Variants in AMN1 observed in about 807,000 individuals in gnomAD.
The protein encoded by AMN1 is protein AMN1 homolog.
AMN1 carries 20 observed loss-of-function variants against 33.0 expected under a neutral mutation model. That is an observed-to-expected ratio of 0.61 (90% confidence interval 0.43 to 0.88). AMN1 has a LOEUF of 0.88. AMN1 is among the 40% of genes least tolerant of loss of function. AMN1 has a pLI of 0.00. For synonymous variants in AMN1, 114 were observed against 111.9 expected, an observed-to-expected ratio of 1.02 and a Z score of -0.12; for missense variants, 246 against 307.4, an observed-to-expected ratio of 0.80 and a Z score of 1.49.
In AMN1 at chr12:31,683,044, C is replaced by T. The variant is rs1413142638; in HGVS notation, c.703+5963G>A. ...GTGGCACAATCTTGGCTAATTGCAACCTCTGCCCCCCAGGCTCAAGTGATC... is the reference window on the plus strand; with the variant it reads ...GTGGCACAATCTTGGCTAATTGCAATCTCTGCCCCCCAGGCTCAAGTGATC... On this transcript the variant is annotated intron_variant, in intron 6 of 6. Coordinates refer to ENST00000281471, the MANE Select transcript of AMN1 (RefSeq NM_001113402.2). This position sits in a 1 kb window ranked among gnomAD's most constrained non-coding sequence, Gnocchi z 4.1. 6.7e-6 allele frequency among the ~76,000 whole-genome samples: 1 copy of T among 149,982 alleles called. No individual in the cohort carries two copies. Among genetic ancestry groups the T allele is most frequent in the Non-Finnish European group, 1.5e-5 (1 of 67,808 alleles).
chr12:31,678,863 T>A (rs1233350030), intron 6 of AMN1, among the ~76,000 whole-genome samples: 1 of 152,104 alleles, frequency 6.6e-6, no homozygotes, highest in Non-Finnish European at 1.5e-5. Context: ...AAAATAAACA[T>A]GTCATGTAGG....
intron 1 of AMN1, among the ~76,000 whole-genome samples, chr12:31,715,958 G>C (rs144193383): frequency 1.6e-4 from 24 of 152,290 alleles, no homozygotes; most frequent in African/African-American, 2.2e-4. Flanking sequence ...TACATGACAG[G>C]TTTCCTTTTT....
intron 2 of AMN1, among the ~76,000 whole-genome samples, chr12:31,702,563 CTTTAT>C: frequency 6.6e-6 from 1 of 150,712 alleles, no homozygotes; most frequent in Non-Finnish European, 1.5e-5. Flanking sequence ...TTTTTCTGTT[CTTTAT>C]TTTTTTTCCA....
In AMN1 at chr12:31,689,047, T is replaced by C. The variant is rs904507811; in HGVS notation, c.663A>G (p.Gln221=). Residue 221 remains glutamine, a synonymous_variant, in exon 6 of 7, where the codon CAA becomes CAG. Transcript: ENST00000281471. The part of the protein sequence containing the change: ...AVEAVLTYCP[Q]IRILLFHGCP... ...ATCCATGGAAGAGTAATATACGTATTTGAGGACAGTAAGTAAGGACAGCTT... is the reference window on the plus strand; with the variant it reads ...ATCCATGGAAGAGTAATATACGTATCTGAGGACAGTAAGTAAGGACAGCTT... 1.2e-6 allele frequency: 2 copies of C among 1,613,626 alleles called. No individual in the cohort carries two copies. Among genetic ancestry groups the C allele is most frequent in the African/African-American group, 1.3e-5 (1 of 75,026 alleles).
intron 2 of AMN1, 85 bp from the exon 3 acceptor site, chr12:31,702,092 A>T (rs2139695793): frequency 5.8e-6 from 7 of 1,217,300 alleles, no homozygotes; most frequent in Non-Finnish European, 7.9e-6. Flanking sequence ...TGGTGGTCAT[A>T]ACAGACAAGT....
At chr12:31,695,965 G>A (rs550971692) in intron 5 of AMN1, among the ~76,000 whole-genome samples, 4 of 152,102 alleles carry the variant, frequency 2.6e-5, no homozygotes, top group African/African-American at 9.6e-5. Flanking sequence ...ATTTATGGCA[G>A]GGCACGGTGG....
chr12:31,716,116 T>C (rs1364518947), intron 1 of AMN1, among the ~76,000 whole-genome samples: 2 of 152,214 alleles, frequency 1.3e-5, no homozygotes, highest in Non-Finnish European at 2.9e-5. Flanking sequence ...CATTTTTCCA[T>C]GGTTTCTTTT....
chr12:31,721,204 A>G (rs73090378), intron 1 of AMN1, among the ~76,000 whole-genome samples: 192 of 152,334 alleles, frequency 1.3e-3, no homozygotes, highest in Middle Eastern at 0.01. Flanking sequence ...GGTGGCCGAA[A>G]TTATCAAGGA....
At chr12:31,676,597 C>T (rs978945902) in intron 6 of AMN1, among the ~76,000 whole-genome samples, 7 of 150,206 alleles carry the variant, frequency 4.7e-5, no homozygotes, top group African/African-American at 1.7e-4. Context: ...GCTGCAATTA[C>T]AGGTGTGAGC....
At chr12:31,712,503 C>T (rs1411506798) in intron 1 of AMN1, among the ~76,000 whole-genome samples, 1 of 152,160 alleles carries the variant, frequency 6.6e-6, no homozygotes, top group Non-Finnish European at 1.5e-5. Context: ...GCCTTGGCCT[C>T]CCAAAGTGTT....
intron 5 of AMN1, among the ~76,000 whole-genome samples, chr12:31,695,427 A>T (rs1938678822): frequency 6.6e-6 from 1 of 151,900 alleles, no homozygotes; most frequent in South Asian, 2.1e-4. Context: ...TGCATTTAGG[A>T]TGCAATTTGG....
At chr12:31,689,168 T>G (rs778029127) in intron 5 of AMN1, 50 bp from the exon 6 acceptor site, 1 of 1,249,400 alleles carries the variant, frequency 8.0e-7, no homozygotes. Flanking sequence ...AGATCTATAA[T>G]AACAGTATGA....
chr12:31,682,992 T>C (rs1309953722), intron 6 of AMN1, among the ~76,000 whole-genome samples: 1 of 150,078 alleles, frequency 6.7e-6, no homozygotes, highest in Non-Finnish European at 1.5e-5. Context: ...AGACAGTGTC[T>C]CACCTTGTCA....
At chr12:31,689,949 C>T (rs553870257) in intron 5 of AMN1, among the ~76,000 whole-genome samples, 2 of 152,148 alleles carry the variant, frequency 1.3e-5, no homozygotes, top group Non-Finnish European at 2.9e-5. Context: ...TCCATTATGT[C>T]ATTCTTATGC....
chr12:31,680,779 A>G (rs1196463685), intron 6 of AMN1, among the ~76,000 whole-genome samples: 1 of 152,220 alleles, frequency 6.6e-6, no homozygotes, highest in African/African-American at 2.4e-5. Context: ...ATATGCAAGT[A>G]TAGTAAATAC....
Position 31,688,604 on chromosome 12 carries a change from T to TAA in AMN1, c.703+402_703+403insTT, listed in dbSNP as rs76077733. On this transcript the variant is annotated intron_variant, in intron 6 of 6. Transcript: ENST00000281471. ...AGGCGGATTGCCTGAGCTCAGGAGT[T>TAA]AGAGACCAGCCTGGGCAACACGGGG... Among the ~76,000 whole-genome samples, 20 of 152,104 alleles carry TAA rather than the reference T, an allele frequency of 1.3e-4. 1 individual carries two copies. The East Asian group carries it at 3.9e-3, about 30-fold the overall frequency.
At chr12:31,676,786 C>T (rs1438270853) in intron 6 of AMN1, among the ~76,000 whole-genome samples, 1 of 151,770 alleles carries the variant, frequency 6.6e-6, no homozygotes, top group Non-Finnish European at 1.5e-5. Flanking sequence ...GCTTTTCCCT[C>T]CAATAGTAAG....
rs201986632 is a variant in AMN1, at chr12:31,698,741, CT to C, written c.317-785del. Among the ~76,000 whole-genome samples the C allele has an allele frequency of 1.2e-3, 182 of 148,666 alleles. 2 individuals carry two copies. Among genetic ancestry groups the C allele is most frequent in the East Asian group, 2.2e-3 (11 of 5,110 alleles). ...CTGTTTTCCATATCTTAAGAAAGAA[CT>C]TTTTTTTTTTCTTAAGACCAGTTAT... On this transcript the variant is annotated intron_variant, in intron 3 of 6. Transcript: ENST00000281471.
At chr12:31,691,386 T>C (rs566035200) in intron 5 of AMN1, among the ~76,000 whole-genome samples, 66 of 152,034 alleles carry the variant, frequency 4.3e-4, no homozygotes, top group African/African-American at 1.4e-3. Flanking sequence ...GGGGATCAAC[T>C]ACAAAGGACC....
Sources: gnomAD v4.1 joint callset for allele counts (sites outside exome capture counted in the v4.1 genomes callset) on GRCh38, gnomAD v4.1.1 for gene constraint, Gnocchi (gnomAD v3.1) non-coding constraint, MANE v1.5 for transcripts, NCBI Gene and HGNC (gene_info 2026-07-23, HGNC 2026-07-21) for gene names.